The following LRRTM4 variants were observed in gnomAD, a reference collection of about 807,000 sequenced individuals.
LRRTM4 encodes leucine-rich repeat transmembrane neuronal protein 4.
Under a neutral mutation model 47.6 loss-of-function variants are expected in LRRTM4, and 25 were observed. The ratio of observed to expected loss-of-function variants is 0.53; its 90% CI spans 0.38 to 0.73. The LOEUF is 0.73. Ranked by LOEUF, LRRTM4 falls within the 30% of genes least tolerant of loss-of-function variation. The pLI, the probability that LRRTM4 is intolerant of heterozygous loss-of-function variation, is 0.00. For missense variants in LRRTM4, 638 were observed against 713.4 expected (o/e 0.89, Z 1.20); for synonymous variants, 311 against 269.5 (o/e 1.15, Z -1.51).
At chr2:76,804,664 G>C (rs116396641) in intron 3 of LRRTM4, among the ~76,000 whole-genome samples, 16,731 of 146,352 alleles carry the variant, frequency 0.11, 1,111 homozygotes, top group Non-Finnish European at 0.15. Flanking sequence ...TAAATATATA[G>C]TATAAAAAAT....
intron 3 of LRRTM4, among the ~76,000 whole-genome samples, chr2:77,292,092 A>G (rs1005238398): frequency 4.6e-5 from 7 of 152,114 alleles, no homozygotes; most frequent in African/African-American, 1.7e-4. Context: ...AAACACATGA[A>G]AAAATGCTCA....
intron 3 of LRRTM4, among the ~76,000 whole-genome samples, chr2:77,222,660 G>A (rs1302503468): frequency 1.3e-5 from 2 of 152,270 alleles, no homozygotes; most frequent in Admixed American, 1.3e-4. Flanking sequence ...AAACCAGGAA[G>A]AAGTTGAATC....
chr2:76,915,531 T>G (rs1284235475), intron 3 of LRRTM4, among the ~76,000 whole-genome samples: 1 of 152,194 alleles, frequency 6.6e-6, no homozygotes, highest in African/African-American at 2.4e-5. Context: ...TTGAATGTTC[T>G]TGGACCTACC....
Position 77,143,861 on chromosome 2 carries a change from T to G in LRRTM4, c.1551+374457A>C, listed in dbSNP as rs372182636. On this transcript the variant is annotated intron_variant, in intron 3 of 3. Coordinates refer to ENST00000409884, the MANE Select transcript of LRRTM4 (RefSeq NM_001134745.3). ...ATCATTTGGGGCCAAGTCCTGATAC[T>G]GCCTGTGTCTTCTGTAATTCACAAA... Among the ~76,000 whole-genome samples, 314 of 152,352 alleles carry G rather than the reference T, an allele frequency of 2.1e-3. 1 individual carries two copies. Among genetic ancestry groups the G allele is most frequent in the African/African-American group, 7.0e-3 (293 of 41,596 alleles).
At chr2:77,424,520 A>G (rs1675032080) in intron 3 of LRRTM4, among the ~76,000 whole-genome samples, 1 of 152,182 alleles carries the variant, frequency 6.6e-6, no homozygotes, top group Non-Finnish European at 1.5e-5. Flanking sequence ...CTGCTATAGA[A>G]TAGTTTGATT....
chr2:76,794,236 A>C (rs1298419694), intron 3 of LRRTM4, among the ~76,000 whole-genome samples: 1 of 152,196 alleles, frequency 6.6e-6, no homozygotes, highest in Non-Finnish European at 1.5e-5. Flanking sequence ...TTGTTAGATT[A>C]CCTGATTGTT....
chr2:76,815,350 A>G (rs1670869009), intron 3 of LRRTM4, among the ~76,000 whole-genome samples: 1 of 152,070 alleles, frequency 6.6e-6, no homozygotes, highest in African/African-American at 2.4e-5. Context: ...CCTGGCTCCA[A>G]GCCTGCCAGA....
intron 3 of LRRTM4, among the ~76,000 whole-genome samples, chr2:76,942,256 G>A (rs1675170198): frequency 6.6e-6 from 1 of 152,032 alleles, no homozygotes; most frequent in South Asian, 2.1e-4. Flanking sequence ...CATTCTGTAG[G>A]TTGTCTGTTC....
intron 3 of LRRTM4, among the ~76,000 whole-genome samples, chr2:76,816,777 C>A (rs918779403): frequency 1.4e-4 from 20 of 138,750 alleles, no homozygotes; most frequent in Non-Finnish European, 2.6e-4. Flanking sequence ...TCATGACGTG[C>A]AAGTGGGTTA....
intron 3 of LRRTM4, among the ~76,000 whole-genome samples, chr2:77,379,004 G>T (rs1323851271): frequency 6.6e-6 from 1 of 151,886 alleles, no homozygotes; most frequent in African/African-American, 2.4e-5. Context: ...TAATATTGTT[G>T]TCATTTGTCC....
chr2:76,911,975 G>T (rs1435472855), intron 3 of LRRTM4, among the ~76,000 whole-genome samples: 1 of 146,182 alleles, frequency 6.8e-6, no homozygotes, highest in Non-Finnish European at 1.5e-5. Context: ...TGTCGCCCAG[G>T]CTGGAGTGCA....
intron 3 of LRRTM4, among the ~76,000 whole-genome samples, chr2:76,847,750 A>G (rs1671878716): frequency 6.6e-6 from 1 of 152,128 alleles, no homozygotes; most frequent in Admixed American, 6.6e-5. Context: ...ACTTTATAAG[A>G]AATTTTTGAT....
At chr2:77,286,152 G>C (rs1290553400) in intron 3 of LRRTM4, among the ~76,000 whole-genome samples, 1 of 151,942 alleles carries the variant, frequency 6.6e-6, no homozygotes. Context: ...AAAAATTATG[G>C]GGACCAGTCA....
At position 76,846,810 on chromosome 2, in the gene LRRTM4, C is replaced by A. The variant is rs1671849507; in HGVS notation, c.1552-97894G>T. 2.0e-5 allele frequency among the ~76,000 whole-genome samples: 3 copies of A among 152,202 alleles called. No homozygotes were observed. In the South Asian group the frequency reaches 6.2e-4, roughly 32 times the overall value. Reference sequence around the variant, plus strand: ...ATTTAGGAATGGCAAGGGTGGGTTTCCTAGAAATTTTCATGGATATAGCCC... The same window carrying A: ...ATTTAGGAATGGCAAGGGTGGGTTTACTAGAAATTTTCATGGATATAGCCC... On this transcript the variant is annotated intron_variant, in intron 3 of 3. Transcript: ENST00000409884.
intron 3 of LRRTM4, among the ~76,000 whole-genome samples, chr2:76,864,039 C>A (rs1216154092): frequency 6.6e-6 from 1 of 152,102 alleles, no homozygotes; most frequent in Non-Finnish European, 1.5e-5. Flanking sequence ...ACGTGGAGGA[C>A]AATGATCAGT....
chr2:77,153,775 C>T (rs1005470285), intron 3 of LRRTM4, among the ~76,000 whole-genome samples: 2 of 152,162 alleles, frequency 1.3e-5, no homozygotes, highest in South Asian at 2.1e-4. Flanking sequence ...ATATATACAT[C>T]TGAAAATCTC....
chr2:77,359,681 G>A lies in LRRTM4; in HGVS notation c.1551+158637C>T, dbSNP rs886498313. Among the ~76,000 whole-genome samples the A allele has an allele frequency of 1.2e-4, 19 of 152,152 alleles. 1 individual carries two copies. The highest frequency in any genetic ancestry group is 1.0e-3 in the Admixed American group (16 of 15,282). ...GATTTTGAGTCACACATTTTTCATT[G>A]GCCAAGGATTGAATCTTGGATCTGC... On this transcript the variant is annotated intron_variant, in intron 3 of 3. Transcript: ENST00000409884.
chr2:77,105,968 T>C (rs1429361493), intron 3 of LRRTM4, among the ~76,000 whole-genome samples: 1 of 152,188 alleles, frequency 6.6e-6, no homozygotes, highest in African/African-American at 2.4e-5. Flanking sequence ...ACTTTCTCCA[T>C]GAAATTCACC....
At chr2:76,933,860 A>G (rs981570099) in intron 3 of LRRTM4, among the ~76,000 whole-genome samples, 1 of 152,148 alleles carries the variant, frequency 6.6e-6, no homozygotes, top group Non-Finnish European at 1.5e-5. Context: ...ACATTTCTGG[A>G]AAAGTTGATA....
Sources: allele counts gnomAD v4.1 joint callset (sites outside exome capture counted in the v4.1 genomes callset), GRCh38; gene constraint gnomAD v4.1.1; transcripts MANE v1.5; gene names NCBI Gene and HGNC (gene_info 2026-07-23, HGNC 2026-07-21).